SPECC1: variants seen among roughly 807,000 people sequenced by gnomAD.
SPECC1 encodes the protein cytospin-B.
SPECC1 carries 62 observed loss-of-function variants against 104.1 expected under a neutral mutation model. That is an observed-to-expected ratio of 0.60 (90% CI 0.49 to 0.74). SPECC1 has a LOEUF of 0.74. SPECC1 is among the 30% of genes least tolerant of loss of function. SPECC1 has a pLI of 0.00. For missense variants in SPECC1, 1,306 were observed against 1,310.5 expected (o/e 1.00, Z 0.05); for synonymous variants, 513 against 501.6 (o/e 1.02, Z -0.30).
chr17:20,064,188 C>A (rs980987279), intron 1 of SPECC1, among the ~76,000 whole-genome samples: 1 of 152,106 alleles, frequency 6.6e-6, no homozygotes, highest in Non-Finnish European at 1.5e-5. Context: ...AAACCCAGCT[C>A]GGAGGGAGTG....
At chr17:20,116,844 A>G (rs1597743359) in intron 3 of SPECC1, among the ~76,000 whole-genome samples, 1 of 106,874 alleles carries the variant, frequency 9.4e-6, no homozygotes, top group Admixed American at 1.4e-4. Context: ...GGCTGTCATG[A>G]CTCGGGGCTG....
chr17:20,131,173 A>T (rs2049602459), intron 3 of SPECC1, among the ~76,000 whole-genome samples: 1 of 152,142 alleles, frequency 6.6e-6, no homozygotes, highest in African/African-American at 2.4e-5. Context: ...CATGTCATCT[A>T]CAAATAGGTA....
At chr17:20,010,849 T>C (rs1377721221) in intron 1 of SPECC1, among the ~76,000 whole-genome samples, 1 of 152,258 alleles carries the variant, frequency 6.6e-6, no homozygotes, top group Non-Finnish European at 1.5e-5. Flanking sequence ...CATTTCTGTT[T>C]ATGCCTAATT....
intron 3 of SPECC1, among the ~76,000 whole-genome samples, chr17:20,151,798 C>T (rs942067968): frequency 6.6e-6 from 1 of 152,210 alleles, no homozygotes; most frequent in African/African-American, 2.4e-5. Flanking sequence ...CCTGTAATCC[C>T]AGCACTTTGG....
At chr17:20,148,684 C>A (rs1300662025) in intron 3 of SPECC1, among the ~76,000 whole-genome samples, 1 of 151,842 alleles carries the variant, frequency 6.6e-6, no homozygotes. Context: ...GTATCTGTGT[C>A]TATATAGTTT....
At chr17:20,223,683 A>G (rs2151440650) in intron 4 of SPECC1, among the ~76,000 whole-genome samples, 1 of 152,268 alleles carries the variant, frequency 6.6e-6, no homozygotes, top group East Asian at 1.9e-4. Context: ...AAAAAAAAAA[A>G]AAAATTATTT....
At position 20,313,905 on chromosome 17, in the gene SPECC1, T is replaced by G. The variant is rs149602062; in HGVS notation, c.3118-71T>G. On this transcript the variant is annotated intron_variant, in intron 14 of 14. Coordinates refer to ENST00000395527, the MANE Select transcript of SPECC1 (RefSeq NM_001243439.2). The stretch of plus-strand genomic sequence containing the variant: ...AGGCAGTGTAAGCCCTAACCTGGAC[T>G]GAAGTCCTTGAGGGGAAGGGGTCTG... The G allele has an allele frequency of 3.2e-4, 459 of 1,434,122 alleles. 2 individuals are homozygous for G. In the African/African-American group the frequency reaches 5.7e-3, roughly 18 times the overall value. 88.8% of individuals were successfully genotyped at this position (1,434,122 alleles called of 1,614,324 possible).
intron 4 of SPECC1, among the ~76,000 whole-genome samples, chr17:20,213,100 T>C (rs1237611535): frequency 1.3e-5 from 2 of 152,000 alleles, no homozygotes; most frequent in African/African-American, 4.8e-5. Flanking sequence ...TTCTTTTTTT[T>C]CTTTTCTTTT....
chr17:20,072,123 C>T (rs1223425906), intron 1 of SPECC1, among the ~76,000 whole-genome samples: 1 of 152,182 alleles, frequency 6.6e-6, no homozygotes, highest in African/African-American at 2.4e-5. Context: ...ATGCTAAAGA[C>T]CTCTAGTCTT....
intron 3 of SPECC1, among the ~76,000 whole-genome samples, chr17:20,193,973 G>A (rs1169425482): frequency 6.6e-6 from 1 of 152,188 alleles, no homozygotes; most frequent in Non-Finnish European, 1.5e-5. Flanking sequence ...AAAAACAGAT[G>A]AGACTAGAAT....
At chr17:20,286,547 A>C (rs1458449304) in intron 12 of SPECC1, among the ~76,000 whole-genome samples, 1 of 152,286 alleles carries the variant, frequency 6.6e-6, no homozygotes, top group Middle Eastern at 3.4e-3. Flanking sequence ...TCCCCTCGCC[A>C]AAAATGAGAC....
chr17:20,135,454 G>T (rs1050397581), intron 3 of SPECC1, among the ~76,000 whole-genome samples: 1 of 152,140 alleles, frequency 6.6e-6, no homozygotes. Flanking sequence ...AATCAAATTT[G>T]TTTATGTATT....
chr17:20,243,718 A>C (rs533664485), intron 7 of SPECC1, among the ~76,000 whole-genome samples: 4 of 152,324 alleles, frequency 2.6e-5, no homozygotes, highest in South Asian at 4.1e-4. Context: ...AGCCTGAGGT[A>C]ATTGATTCTT....
At chr17:20,146,705 G>A (rs976696201) in intron 3 of SPECC1, among the ~76,000 whole-genome samples, 1 of 152,172 alleles carries the variant, frequency 6.6e-6, no homozygotes, top group Non-Finnish European at 1.5e-5. Flanking sequence ...AGGAGTTCAA[G>A]ACCAGCCTGG....
chr17:20,205,500 T>C lies in SPECC1; in HGVS notation c.1451T>C (p.Leu484Pro). The stretch of plus-strand genomic sequence containing the variant: ...CAGGGCCGCTTTGAAAGAGAGAAGC[T>C]ACTCAACATTCAGCAGCAGTTGACC... ...LEQGRFEREKLLNIQQQLTCS... is the reference protein window; with the variant it reads ...LEQGRFEREKPLNIQQQLTCS... The change falls in exon 4 of 15, where the codon CTA (leucine) becomes CCA (proline). Residue 484 changes from leucine (L) to proline (P), a missense_variant. Around this residue, in one of 2 missense-constraint regions of SPECC1, gnomAD observed 1,177 missense variants for 1,139.9 expected, o/e 1.03. Transcript: ENST00000395527. The C allele has an allele frequency of 6.2e-7, 1 of 1,614,164 alleles. No homozygotes were observed. Among genetic ancestry groups the C allele is most frequent in the Non-Finnish European group, 8.5e-7 (1 of 1,180,034 alleles).
chr17:20,230,261 C>CAA (rs2038489856), intron 5 of SPECC1, among the ~76,000 whole-genome samples: 1 of 152,204 alleles, frequency 6.6e-6, no homozygotes, highest in Non-Finnish European at 1.5e-5. Context: ...CAACTCTCTG[C>CAA]AACTACCATG....
intron 1 of SPECC1, among the ~76,000 whole-genome samples, chr17:20,051,068 TTTTCTTTCTTTCTTTCTTTCTTTCTTTC>T (rs71157856): frequency 9.5e-4 from 86 of 90,746 alleles, no homozygotes; most frequent in Middle Eastern, 5.7e-3. Context: ...CTTTCTTTCT[TTTTCTTTCTTTCTTTCTTTCTTTCTTTC>T]TTTCTTTCTT....
chr17:20,193,196 G>C (rs1597932243), intron 3 of SPECC1, among the ~76,000 whole-genome samples: 1 of 152,298 alleles, frequency 6.6e-6, no homozygotes, highest in East Asian at 1.9e-4. Context: ...ACGACCAGAG[G>C]TCACTCTTGT....
In SPECC1 at chr17:20,260,231, A is replaced by G. The variant is rs1351373996; in HGVS notation, c.2877A>G (p.Glu959=). The G allele has an allele frequency of 3.1e-6, 5 of 1,613,874 alleles. No homozygotes were observed. Among genetic ancestry groups the G allele is most frequent in the African/African-American group, 1.3e-5 (1 of 74,938 alleles). The part of the protein sequence containing the change: ...RKDPLAALAR[E]YGGSKRNALL... ...ACCCTCTGGCAGCCTTGGCCCGGGA[A>G]TACGGTGGTTCCAAGCGCAATGCTC... is the stretch of plus-strand genomic sequence containing the variant. Residue 959 remains glutamate, a synonymous_variant, in exon 12 of 15, where the codon GAA becomes GAG. Coordinates refer to ENST00000395527, the MANE Select transcript of SPECC1 (RefSeq NM_001243439.2).
Sources: gnomAD v4.1 joint callset for allele counts (sites outside exome capture counted in the v4.1 genomes callset) on GRCh38, gnomAD v4.1.1 for gene constraint, gnomAD v4.1.1 regional missense constraint, MANE v1.5 for transcripts, NCBI Gene and HGNC (gene_info 2026-07-23, HGNC 2026-07-21) for gene names.